Variants in UFM1 observed in about 807,000 individuals in gnomAD.
UFM1 encodes the protein ubiquitin-fold modifier 1.
Under a neutral mutation model 15.4 loss-of-function variants are expected in UFM1, and 9 were observed. That is an observed-to-expected ratio of 0.59 (90% CI 0.35 to 1.02). The LOEUF is 1.02. UFM1 is among the 50% of genes least tolerant of loss of function. UFM1 has a pLI of 0.02. For missense variants in UFM1, 98 were observed against 104.7 expected (o/e 0.94, Z 0.28); for synonymous variants, 27 against 36.3 (o/e 0.74, Z 0.92).
chr13:38,350,307 T>TC, intron 2 of UFM1: 1 of 1,423,426 alleles, frequency 7.0e-7, no homozygotes, highest in Non-Finnish European at 9.6e-7. Context: ...ATTAGTGACC[T>TC]CCCCTCGGAA....
rs1231534883 is a variant in UFM1, at chr13:38,360,695, T to G, written c.191-16T>G. ...ATTTTTAGATATCTAACTTTATGTT[T>G]TGTTTGTTTGTATAGGAAATGTTTT... On this transcript the variant is annotated splice_polypyrimidine_tract_variant and intron_variant, in intron 5 of 5. Transcript: ENST00000239878. 6.3e-7 allele frequency: 1 copy of G among 1,576,030 alleles called. No individual in the cohort carries two copies. The highest frequency in any genetic ancestry group is 1.2e-5 in the South Asian group (1 of 86,350).
intron 2 of UFM1, among the ~76,000 whole-genome samples, chr13:38,353,015 A>G (rs891553663): frequency 6.6e-6 from 1 of 152,224 alleles, no homozygotes; most frequent in African/African-American, 2.4e-5. Context: ...ACAAATGGCT[A>G]TCCTTTATAT....
intron 2 of UFM1, among the ~76,000 whole-genome samples, chr13:38,350,466 A>G (rs539790347): frequency 6.6e-6 from 1 of 152,336 alleles, no homozygotes; most frequent in South Asian, 2.1e-4. Flanking sequence ...AAGACATTCC[A>G]TCTTGATAGT....
At position 38,361,683 on chromosome 13, in the gene UFM1, A is replaced by T. The variant is rs1369488363; in HGVS notation, c.*905A>T. 6.6e-6 allele frequency: 1 copy of T among 152,320 alleles called. No homozygotes were observed. Among genetic ancestry groups the T allele is most frequent in the African/African-American group, 2.4e-5 (1 of 41,572 alleles). The allele number at this position is 152,320 out of a possible 1,614,324, so 9.4% of individuals were successfully genotyped here. A position where few individuals can be genotyped will look rare whatever the true frequency, so the allele number is the denominator to read the frequency against. On this transcript the variant is annotated 3_prime_UTR_variant, in exon 6 of 6. Transcript: ENST00000239878. ...TTTATTGAAAACCCAACTTTTAAGG[A>T]AGTGCTAAGATCAGTCACCCATGTG...
chr13:38,357,951 AGTTTCAC>A (rs1378808928), intron 3 of UFM1, 135 bp from the exon 4 acceptor site: 1 of 378,952 alleles, frequency 2.6e-6, no homozygotes, highest in African/African-American at 2.1e-5. Context: ...TTTCCTTGAT[AGTTTCAC>A]TTATTCTAAA....
chr13:38,350,963 C>T (rs891527648), intron 2 of UFM1, among the ~76,000 whole-genome samples: 3 of 152,268 alleles, frequency 2.0e-5, no homozygotes, highest in Non-Finnish European at 4.4e-5. Context: ...AATAATTGCT[C>T]CATCTCTGAG....
intron 2 of UFM1, among the ~76,000 whole-genome samples, chr13:38,353,227 G>A (rs1460936447): frequency 6.6e-6 from 1 of 152,092 alleles, no homozygotes; most frequent in Non-Finnish European, 1.5e-5. Flanking sequence ...GACTGAGTGA[G>A]GAGCCTGGGC....
intron 5 of UFM1, chr13:38,359,556 T>A: frequency 2.4e-6 from 1 of 414,338 alleles, no homozygotes; most frequent in South Asian, 4.0e-5. Flanking sequence ...AACCTAATAG[T>A]GGCTTAAGCA....
In UFM1 at chr13:38,362,812, T is replaced by C. The variant is rs2140067446; in HGVS notation, c.*2034T>C. The C allele has an allele frequency of 6.6e-6, 1 of 152,334 alleles. No homozygotes were observed. The highest frequency in any genetic ancestry group is 1.9e-4 in the East Asian group (1 of 5,184). The allele number at this position is 152,334 out of a possible 1,614,324, so 9.4% of individuals were successfully genotyped here. Reference sequence around the variant, plus strand: ...CTGTGCCATAAAGTGATATATTTAATATTTTTATTCTTTGGTTTTGAACAT... The same window carrying C: ...CTGTGCCATAAAGTGATATATTTAACATTTTTATTCTTTGGTTTTGAACAT... On this transcript the variant is annotated 3_prime_UTR_variant, in exon 6 of 6. Transcript: ENST00000239878.
chr13:38,351,448 C>T (rs868014067), intron 2 of UFM1, among the ~76,000 whole-genome samples: 3 of 152,210 alleles, frequency 2.0e-5, no homozygotes, highest in African/African-American at 7.2e-5. Context: ...ATCAAGCCAT[C>T]AGAGGGAAAT....
rs1879408873 is a variant in UFM1, at chr13:38,361,894, C to G, written c.*1116C>G. ...GAGAACTGAAAGGGAAAACAAAATA[C>G]TTGACATAGTCTTAAGTAGAAGAAG... On this transcript the variant is annotated 3_prime_UTR_variant, in exon 6 of 6. Transcript: ENST00000239878. The G allele has an allele frequency of 6.6e-6, 1 of 152,204 alleles. No homozygotes were observed. The highest frequency in any genetic ancestry group is 2.4e-5 in the African/African-American group (1 of 41,434). The allele number at this position is 152,204 out of a possible 1,614,324, so 9.4% of individuals were successfully genotyped here.
intron 3 of UFM1, 32 bp from the exon 4 acceptor site, chr13:38,358,055 GTGTATA>G (rs749556030): frequency 1.2e-6 from 1 of 802,794 alleles, no homozygotes; most frequent in Non-Finnish European, 1.7e-6. Context: ...GTGTGTGTGT[GTGTATA>G]TATATATATA....
At chr13:38,360,074 G>A (rs936867509) in intron 5 of UFM1, 3 of 390,282 alleles carry the variant, frequency 7.7e-6, no homozygotes, top group African/African-American at 6.3e-5. Flanking sequence ...TAAAGAAAAT[G>A]AAGTGATTTA....
At chr13:38,359,420 A>G in intron 5 of UFM1, 87 bp downstream of exon 5, 5 of 1,442,854 alleles carry the variant, frequency 3.5e-6, no homozygotes, top group South Asian at 1.2e-5. Flanking sequence ...ATTACACTTG[A>G]CAGTATTTTA....
chr13:38,353,295 T>C (rs1050860730), intron 2 of UFM1, among the ~76,000 whole-genome samples: 4 of 152,238 alleles, frequency 2.6e-5, no homozygotes, highest in African/African-American at 9.6e-5. Context: ...TACAATAATA[T>C]GGTGGACAAA....
At chr13:38,360,282 A>T (rs1879310805) in intron 5 of UFM1, among the ~76,000 whole-genome samples, 1 of 151,968 alleles carries the variant, frequency 6.6e-6, no homozygotes, top group Admixed American at 6.6e-5. Context: ...TGCTTGTTTT[A>T]TTATCTTTAA....
At position 38,360,779 on chromosome 13, in the gene UFM1, T is replaced by C; in HGVS notation, c.*1T>C. ...TAGAGATCGTGTTGGAAGTTGTTAA[T>C]ATCTGCTACTTGGAACATACGATTG... On this transcript the variant is annotated 3_prime_UTR_variant, in exon 6 of 6. Transcript: ENST00000239878. 2 of 1,605,918 alleles carry C rather than the reference T, an allele frequency of 1.2e-6. No individual in the cohort carries two copies. Among genetic ancestry groups the C allele is most frequent in the Non-Finnish European group, 1.7e-6 (2 of 1,175,578 alleles).
intron 4 of UFM1, among the ~76,000 whole-genome samples, chr13:38,359,060 A>G (rs1050381746): frequency 6.6e-5 from 10 of 152,080 alleles, no homozygotes; most frequent in African/African-American, 2.2e-4. Context: ...CATAGAACTT[A>G]CCAGGATCAT....
At chr13:38,350,907 C>CT (rs1878818772) in intron 2 of UFM1, among the ~76,000 whole-genome samples, 1 of 152,194 alleles carries the variant, frequency 6.6e-6, no homozygotes, top group African/African-American at 2.4e-5. Context: ...CCCTGTTACA[C>CT]TTTATCTCAG....
Sources: allele counts gnomAD v4.1 joint callset (sites outside exome capture counted in the v4.1 genomes callset), GRCh38; gene constraint gnomAD v4.1.1; transcripts MANE v1.5; gene names NCBI Gene and HGNC (gene_info 2026-07-23, HGNC 2026-07-21).